CREB1: variants seen among roughly 807,000 people sequenced by gnomAD.
CREB1 encodes the protein cAMP responsive element binding protein 1, also known as cyclic AMP-responsive element-binding protein 1.
Under a neutral mutation model 42.0 loss-of-function variants are expected in CREB1, and 2 were observed. The ratio of observed to expected loss-of-function variants is 0.05; its 90% CI spans 0.02 to 0.15. CREB1 has a LOEUF of 0.15. Among genes scored for constraint, CREB1 ranks in the 10% least tolerant of loss-of-function variants. The probability of loss-of-function intolerance (pLI) is 1.00; values close to 1 mark genes in which losing one functional copy is unlikely to be tolerated. For missense variants in CREB1, 199 were observed against 388.9 expected (o/e 0.51, Z 4.11); for synonymous variants, 123 against 139.9 (o/e 0.88, Z 0.85).
At position 207,574,025 on chromosome 2, in the gene CREB1, T is replaced by G. The variant is rs184651680; in HGVS notation, c.506-1247T>G. ...CCTAAGATAAGTAAAACTTCTGGGA[T>G]TAGCTAAACTAGATCCAGTGTATAT... On this transcript the variant is annotated intron_variant, in intron 5 of 7. Coordinates refer to ENST00000353267, the MANE Select transcript of CREB1 (RefSeq NM_004379.5). Among the ~76,000 whole-genome samples, 67 of 152,362 alleles carry G rather than the reference T, an allele frequency of 4.4e-4. 2 individuals carry two copies. The highest frequency in any genetic ancestry group is 1.5e-3 in the African/African-American group (61 of 41,584).
intron 7 of CREB1, among the ~76,000 whole-genome samples, chr2:207,590,197 T>C (rs2084745733): frequency 1.3e-5 from 2 of 150,466 alleles, no homozygotes; most frequent in South Asian, 2.1e-4. Flanking sequence ...TTCAAAGTTA[T>C]CAAATTCATG....
At position 207,601,230 on chromosome 2, in the gene CREB1, C is replaced by T. The variant is rs1324282863; in HGVS notation, c.*4172C>T. 1 of 185,568 alleles carries T rather than the reference C, an allele frequency of 5.4e-6. No homozygotes were observed. The highest frequency in any genetic ancestry group is 1.1e-5 in the Non-Finnish European group (1 of 87,748). 11.5% of individuals were successfully genotyped at this position (185,568 alleles called of 1,614,324 possible). A position where few individuals can be genotyped will look rare whatever the true frequency, so the allele number is the denominator to read the frequency against. On this transcript the variant is annotated 3_prime_UTR_variant, in exon 8 of 8. Transcript: ENST00000353267. ...TATTTGGATTATATTTACATTCTGT[C>T]CTTTGTAAATGTTTGGTGTAACTTG...
At chr2:207,547,080 T>C (rs531135889) in intron 1 of CREB1, among the ~76,000 whole-genome samples, 2 of 152,308 alleles carry the variant, frequency 1.3e-5, no homozygotes, top group Admixed American at 6.5e-5. Flanking sequence ...TGAAGTTAGC[T>C]AACACCAGAA....
intron 1 of CREB1, among the ~76,000 whole-genome samples, chr2:207,533,733 C>T (rs1209500901): frequency 6.6e-6 from 1 of 151,542 alleles, no homozygotes; most frequent in Non-Finnish European, 1.5e-5. Flanking sequence ...CATGTGTAAA[C>T]TCATCTGTAC....
intron 5 of CREB1, among the ~76,000 whole-genome samples, chr2:207,570,865 T>TA (rs1226381781): frequency 6.6e-6 from 1 of 152,182 alleles, no homozygotes; most frequent in Non-Finnish European, 1.5e-5. Context: ...AAATTGCTCT[T>TA]ACAAAATTAT....
chr2:207,596,455 C>T (rs1305507293), intron 7 of CREB1, among the ~76,000 whole-genome samples: 1 of 151,450 alleles, frequency 6.6e-6, no homozygotes, highest in South Asian at 2.1e-4. Context: ...TTCTTTGAGA[C>T]GGAGTCTCAC....
At chr2:207,552,701 G>A (rs951682698) in intron 1 of CREB1, among the ~76,000 whole-genome samples, 1 of 151,828 alleles carries the variant, frequency 6.6e-6, no homozygotes, top group Non-Finnish European at 1.5e-5. Flanking sequence ...CGCCTCCCGG[G>A]TTCAAGCAAT....
At chr2:207,534,899 A>G (rs760120075) in intron 1 of CREB1, among the ~76,000 whole-genome samples, 1 of 152,202 alleles carries the variant, frequency 6.6e-6, no homozygotes, top group Non-Finnish European at 1.5e-5. Context: ...TACAAATGGT[A>G]GCATACTAGG....
At chr2:207,549,394 A>T (rs2081415304) in intron 1 of CREB1, among the ~76,000 whole-genome samples, 1 of 152,154 alleles carries the variant, frequency 6.6e-6, no homozygotes, top group African/African-American at 2.4e-5. Flanking sequence ...GGTAAAGATA[A>T]ATGACAAGTA....
chr2:207,570,413 A>AG, intron 5 of CREB1, 92 bp downstream of exon 5: 1 of 1,235,786 alleles, frequency 8.1e-7, no homozygotes, highest in African/African-American at 1.5e-5. Flanking sequence ...AAACCAATAC[A>AG]AGTGCCAAGT....
At chr2:207,538,241 A>G (rs1358494220) in intron 1 of CREB1, among the ~76,000 whole-genome samples, 1 of 151,810 alleles carries the variant, frequency 6.6e-6, no homozygotes, top group Non-Finnish European at 1.5e-5. Flanking sequence ...AGCTTAGAAA[A>G]ACGTATTCTG....
At chr2:207,588,755 G>A (rs1364245681) in intron 7 of CREB1, among the ~76,000 whole-genome samples, 1 of 150,250 alleles carries the variant, frequency 6.7e-6, no homozygotes, top group Non-Finnish European at 1.5e-5. Context: ...GTGTGGGGGT[G>A]GGGGGACATG....
chr2:207,537,979 A>G (rs2080943205), intron 1 of CREB1, among the ~76,000 whole-genome samples: 2 of 152,258 alleles, frequency 1.3e-5, no homozygotes, highest in South Asian at 2.1e-4. Context: ...AAGTCTAAAC[A>G]TGAAATTTGT....
intron 1 of CREB1, among the ~76,000 whole-genome samples, chr2:207,548,383 A>T (rs371645824): frequency 2.0e-4 from 31 of 152,346 alleles, no homozygotes; most frequent in African/African-American, 7.2e-4. Context: ...AATACAAAAT[A>T]TTGAACTTAA....
rs188404988 is a variant in CREB1 at position 207,534,829 on chromosome 2, C to A, written c.-9+4695C>A. ...AAGTGTTAGCAATTTTTTATTTGTC[C>A]TTTAAGAGGTGTTTTATGCAAACAC... On this transcript the variant is annotated intron_variant, in intron 1 of 7. Transcript: ENST00000353267. 6.6e-5 allele frequency: 10 copies of A among 152,168 alleles called. No homozygotes were observed. The East Asian group carries it at 1.9e-3, about 29-fold the overall frequency. The allele number at this position is 152,168 out of a possible 1,614,324, so 9.4% of individuals were successfully genotyped here.
At position 207,530,388 on chromosome 2, in the gene CREB1, GGGGCGGC is replaced by G. The variant is rs1178876684; in HGVS notation, c.-9+275_-9+281del. ...CAGCCAGCGGCGGCGCTCATGGCGG[GGGGCGGC>G]GGGCGGCGGGCGGCGGGCGGGGTGG... On this transcript the variant is annotated intron_variant, in intron 1 of 7. Transcript: ENST00000353267. Among the ~76,000 whole-genome samples, 443 of 147,782 alleles carry G rather than the reference GGGGCGGC, an allele frequency of 3.0e-3. 1 individual carries two copies. The highest frequency in any genetic ancestry group is 4.5e-3 in the Non-Finnish European group (296 of 66,516).
intron 3 of CREB1, among the ~76,000 whole-genome samples, chr2:207,562,426 C>G (rs1188192544): frequency 6.6e-6 from 1 of 152,046 alleles, no homozygotes; most frequent in East Asian, 1.9e-4. Context: ...TATTCTGGGG[C>G]AACATAATTT....
intron 6 of CREB1, among the ~76,000 whole-genome samples, chr2:207,576,241 C>CTTTTTTTTTTTTTTTTTTTGTTTTTTTT (rs35735523): frequency 9.9e-6 from 1 of 101,068 alleles, no homozygotes. Context: ...CTTTTTTTGG[C>CTTTTTTTTTTTTTTTTTTTGTTTTTTTT]TTTTTTTTTT....
chr2:207,542,269 A>G (rs915179322), intron 1 of CREB1, among the ~76,000 whole-genome samples: 16 of 152,208 alleles, frequency 1.1e-4, no homozygotes, highest in East Asian at 1.9e-4. Context: ...TTAGGGTTCA[A>G]ATTTTCCCCC....
Sources: gnomAD v4.1 joint callset for allele counts (sites outside exome capture counted in the v4.1 genomes callset) on GRCh38, gnomAD v4.1.1 for gene constraint, MANE v1.5 for transcripts, NCBI Gene and HGNC (gene_info 2026-07-23, HGNC 2026-07-21) for gene names.